CSMD1: variants seen among roughly 807,000 people sequenced by gnomAD.
CSMD1 encodes CUB and Sushi multiple domains 1, also known as CUB and sushi domain-containing protein 1.
CSMD1 carries 213 observed loss-of-function variants against 417.5 expected under a neutral mutation model. The observed-to-expected ratio is 0.51, with a 90% confidence interval of 0.46 to 0.57. The LOEUF (loss-of-function observed/expected upper bound fraction) is 0.57, where lower values mean the gene tolerates loss of function less well. Ranked by LOEUF, CSMD1 falls within the 20% of genes least tolerant of loss-of-function variation. The pLI is 0.00. For missense variants in CSMD1, 6,923 were observed against 4,529.7 expected (o/e 1.53, Z -15.17); for synonymous variants, 2,862 against 1,736.8 (o/e 1.65, Z -16.11).
intron 12 of CSMD1, among the ~76,000 whole-genome samples, chr8:3,438,585 C>T (rs987601499): frequency 6.6e-6 from 1 of 152,108 alleles, no homozygotes; most frequent in African/African-American, 2.4e-5. Flanking sequence ...TAGTTTATTC[C>T]TTTTTATTGC....
intron 3 of CSMD1, among the ~76,000 whole-genome samples, chr8:4,222,541 C>T (rs1801102393): frequency 6.6e-6 from 1 of 152,116 alleles, no homozygotes; most frequent in Admixed American, 6.6e-5. Flanking sequence ...AACATAAAAA[C>T]CACAGAAGTA....
chr8:3,149,235 C>A (rs945369560), intron 40 of CSMD1, among the ~76,000 whole-genome samples: 1 of 152,172 alleles, frequency 6.6e-6, no homozygotes, highest in Non-Finnish European at 1.5e-5. Context: ...AAATGATACC[C>A]TTCTCAGAAA....
intron 2 of CSMD1, among the ~76,000 whole-genome samples, chr8:4,443,293 C>T (rs757144730): frequency 1.3e-5 from 2 of 152,062 alleles, no homozygotes; most frequent in Non-Finnish European, 2.9e-5. Context: ...GTTTTGTATT[C>T]GCTAGAAAAT....
chr8:3,112,956 C>G (rs541325998), intron 42 of CSMD1: 1 of 152,368 alleles, frequency 6.6e-6, no homozygotes, highest in South Asian at 2.1e-4. Flanking sequence ...TGATCTTTAT[C>G]TACTTCCAGA....
chr8:4,357,548 T>A (rs1038766119), intron 3 of CSMD1, among the ~76,000 whole-genome samples: 1 of 151,900 alleles, frequency 6.6e-6, no homozygotes, highest in African/African-American at 2.4e-5. Flanking sequence ...AATGCACAGT[T>A]GGAAAAAAAA....
At chr8:3,472,484 T>C (rs1329370756) in intron 11 of CSMD1, among the ~76,000 whole-genome samples, 5 of 152,166 alleles carry the variant, frequency 3.3e-5, no homozygotes, top group African/African-American at 1.2e-4. Flanking sequence ...ATCTGTCCCA[T>C]CTCTGACAAA....
chr8:4,119,970 G>T (rs891585176), intron 3 of CSMD1, among the ~76,000 whole-genome samples: 2 of 151,988 alleles, frequency 1.3e-5, no homozygotes, highest in Admixed American at 6.6e-5. Context: ...TAGTTTAAAA[G>T]AATGAATAAG....
chr8:4,875,315 C>T (rs1368916058), intron 1 of CSMD1, among the ~76,000 whole-genome samples: 1 of 152,000 alleles, frequency 6.6e-6, no homozygotes, highest in Non-Finnish European at 1.5e-5. Context: ...TATGATATGA[C>T]CTTGTAATAA....
chr8:4,271,052 A>G (rs943440777), intron 3 of CSMD1, among the ~76,000 whole-genome samples: 3 of 152,178 alleles, frequency 2.0e-5, no homozygotes, highest in Non-Finnish European at 4.4e-5. Context: ...GATTTCCTAG[A>G]AGAGCTGGTG....
intron 5 of CSMD1, among the ~76,000 whole-genome samples, chr8:3,918,489 CTT>C (rs1156590341): frequency 6.6e-6 from 1 of 152,062 alleles, no homozygotes; most frequent in Non-Finnish European, 1.5e-5. Context: ...GTTTGTATGT[CTT>C]TGCAGATATA....
chr8:3,360,716 T>TA (rs951528076), intron 20 of CSMD1, among the ~76,000 whole-genome samples: 5 of 152,064 alleles, frequency 3.3e-5, no homozygotes, highest in South Asian at 2.1e-4. Context: ...CTAATCTTTC[T>TA]AAAAAAAATT....
chr8:3,348,482 G>C (rs1457707035), intron 21 of CSMD1, among the ~76,000 whole-genome samples: 1 of 152,138 alleles, frequency 6.6e-6, no homozygotes, highest in Admixed American at 6.5e-5. Flanking sequence ...TGTGTCGTCA[G>C]GTTGTCACAG....
chr8:4,882,744 A>G (rs909943934), intron 1 of CSMD1, among the ~76,000 whole-genome samples: 6 of 151,890 alleles, frequency 4.0e-5, no homozygotes, highest in East Asian at 1.9e-4. Context: ...TTATAATATT[A>G]TAATAATTAT....
intron 3 of CSMD1, among the ~76,000 whole-genome samples, chr8:4,225,286 A>G (rs1413640949): frequency 1.3e-5 from 2 of 152,184 alleles, no homozygotes; most frequent in Non-Finnish European, 2.9e-5. Flanking sequence ...ATATTATTTA[A>G]TCATGTTTTA....
chr8:3,570,208 T>A (rs545709644), intron 10 of CSMD1, among the ~76,000 whole-genome samples: 2 of 152,350 alleles, frequency 1.3e-5, no homozygotes, highest in South Asian at 4.1e-4. Context: ...AAAAGGAAGA[T>A]ACTGTGATTG....
At chr8:4,123,783 A>G (rs1211367273) in intron 3 of CSMD1, among the ~76,000 whole-genome samples, 1 of 152,212 alleles carries the variant, frequency 6.6e-6, no homozygotes, top group Non-Finnish European at 1.5e-5. Flanking sequence ...TGAAGTCAGA[A>G]GAACCCAAAA....
intron 10 of CSMD1, among the ~76,000 whole-genome samples, chr8:3,564,519 G>GTGTC (rs1799612895): frequency 6.9e-6 from 1 of 145,048 alleles, no homozygotes; most frequent in East Asian, 2.2e-4. Context: ...CAGTATATTT[G>GTGTC]TGTGTGTGTG....
chr8:4,757,889 G>A (rs1292572029), intron 1 of CSMD1, among the ~76,000 whole-genome samples: 2 of 149,928 alleles, frequency 1.3e-5, no homozygotes, highest in East Asian at 4.0e-4. Flanking sequence ...AACCTGGGAG[G>A]CAGCGGTTGA....
intron 1 of CSMD1, among the ~76,000 whole-genome samples, chr8:4,817,985 T>C (rs933453910): frequency 1.4e-4 from 21 of 152,200 alleles, no homozygotes; most frequent in African/African-American, 4.8e-4. Context: ...AAATTTCACA[T>C]TGAGGTATTA....
Sources: gnomAD v4.1 joint callset for allele counts (sites outside exome capture counted in the v4.1 genomes callset) on GRCh38, gnomAD v4.1.1 for gene constraint, MANE v1.5 for transcripts, NCBI Gene and HGNC (gene_info 2026-07-23, HGNC 2026-07-21) for gene names.